Variants in CCDC149 observed in about 807,000 individuals in gnomAD.
CCDC149 encodes the protein coiled-coil domain containing 149, also known as coiled-coil domain-containing protein 149.
A neutral mutation model predicts 59.9 loss-of-function variants in CCDC149; 45 were observed. That is an observed-to-expected ratio of 0.75 (90% CI 0.59 to 0.96). The LOEUF is 0.96. Among genes scored for constraint, CCDC149 ranks in the 40% least tolerant of loss-of-function variants. CCDC149 has a pLI of 0.00. For synonymous variants in CCDC149, 245 were observed against 260.6 expected (o/e 0.94, Z 0.58); for missense variants, 584 against 664.7 (o/e 0.88, Z 1.33).
intron 1 of CCDC149, among the ~76,000 whole-genome samples, chr4:24,921,408 C>T (rs1298022577): frequency 6.6e-6 from 1 of 152,234 alleles, no homozygotes; most frequent in Non-Finnish European, 1.5e-5. Flanking sequence ...CTCCCCCATT[C>T]AACACCCCCA....
At chr4:24,973,081 T>C (rs4333169) in intron 1 of CCDC149, among the ~76,000 whole-genome samples, 105,850 of 152,090 alleles carry the variant, frequency 0.7, 37,032 homozygotes, top group Non-Finnish European at 0.71. Flanking sequence ...AATAACTTAA[T>C]TCTTTTAATC....
chr4:24,911,995 A>C (rs571237991), intron 1 of CCDC149, among the ~76,000 whole-genome samples: 5 of 152,146 alleles, frequency 3.3e-5, no homozygotes, highest in Non-Finnish European at 5.9e-5. Flanking sequence ...GCCCCCACAA[A>C]TGGTGGCAAA....
intron 1 of CCDC149, among the ~76,000 whole-genome samples, chr4:24,908,801 G>A (rs1721698110): frequency 6.6e-6 from 1 of 152,226 alleles, no homozygotes; most frequent in African/African-American, 2.4e-5. Context: ...ACATGCTCAA[G>A]GAATAGGAGA....
intron 1 of CCDC149, among the ~76,000 whole-genome samples, chr4:24,956,637 GAAAT>G (rs1282396441): frequency 6.6e-6 from 1 of 152,138 alleles, no homozygotes; most frequent in Non-Finnish European, 1.5e-5. Flanking sequence ...TAGGAGATGG[GAAAT>G]AAACCCTACG....
chr4:24,931,329 A>ATC (rs1722582341), intron 1 of CCDC149, among the ~76,000 whole-genome samples: 1 of 146,110 alleles, frequency 6.8e-6, no homozygotes, highest in Non-Finnish European at 1.5e-5. Context: ...ATATATATAT[A>ATC]TATCTCAGTA....
At chr4:24,832,034 T>G (rs1716187524) in intron 8 of CCDC149, among the ~76,000 whole-genome samples, 1 of 152,198 alleles carries the variant, frequency 6.6e-6, no homozygotes, top group South Asian at 2.1e-4. Flanking sequence ...TGGCTGAAGG[T>G]CACACAGCCA....
chr4:24,899,341 A>C (rs1266906056), intron 1 of CCDC149, among the ~76,000 whole-genome samples: 3 of 152,188 alleles, frequency 2.0e-5, no homozygotes, highest in African/African-American at 7.2e-5. Context: ...GAGATAGGAA[A>C]GTGTATACAG....
chr4:24,931,179 T>C (rs74682922), intron 1 of CCDC149, among the ~76,000 whole-genome samples: 1 of 150,548 alleles, frequency 6.6e-6, no homozygotes, highest in Non-Finnish European at 1.5e-5. Flanking sequence ...CATATATATG[T>C]ATATGTGTGT....
chr4:24,818,132 C>T (rs1715133658), intron 12 of CCDC149, among the ~76,000 whole-genome samples: 1 of 151,950 alleles, frequency 6.6e-6, no homozygotes, highest in Admixed American at 6.6e-5. Flanking sequence ...GTGATAGGTC[C>T]CAAGGTGTAA....
intron 1 of CCDC149, among the ~76,000 whole-genome samples, chr4:24,912,269 C>T (rs1457792129): frequency 2.0e-5 from 3 of 152,220 alleles, no homozygotes; most frequent in African/African-American, 7.2e-5. Context: ...TGCCCCTCCC[C>T]ACCTTACACA....
Position 24,853,181 on chromosome 4 carries a change from T to G in CCDC149, c.265-2A>C. 12 of 1,584,870 alleles carry G rather than the reference T, an allele frequency of 7.6e-6. No homozygotes were observed. The highest frequency in any genetic ancestry group is 1.0e-5 in the Non-Finnish European group (12 of 1,153,766). On this transcript the variant is annotated splice_acceptor_variant, in intron 3 of 12. Coordinates refer to ENST00000635206, the MANE Select transcript of CCDC149 (RefSeq NM_001330643.2). LOFTEE classifies it high-confidence loss of function. ...TCTCAATAGTTGTGCAAGATTAGCCTAGAAATATCAACACATTATGAAATA... is the reference window on the plus strand; with the variant it reads ...TCTCAATAGTTGTGCAAGATTAGCCGAGAAATATCAACACATTATGAAATA...
chr4:24,958,654 A>G (rs1723542847), intron 1 of CCDC149, among the ~76,000 whole-genome samples: 1 of 152,198 alleles, frequency 6.6e-6, no homozygotes, highest in Non-Finnish European at 1.5e-5. Flanking sequence ...AAAATGCACT[A>G]TATGCAATTC....
At chr4:24,822,866 A>C (rs534325500) in intron 9 of CCDC149, 1 of 226,082 alleles carries the variant, frequency 4.4e-6, no homozygotes, top group Non-Finnish European at 8.6e-6. Flanking sequence ...TGCCCAAATC[A>C]TTTGATGGAA....
At chr4:24,854,561 C>A (rs1403838594) in intron 3 of CCDC149, among the ~76,000 whole-genome samples, 2 of 152,150 alleles carry the variant, frequency 1.3e-5, no homozygotes, top group East Asian at 3.9e-4. Context: ...GCTGAAGAAA[C>A]CCAAATCCAG....
intron 12 of CCDC149, among the ~76,000 whole-genome samples, chr4:24,810,067 C>T (rs1714496722): frequency 2.0e-5 from 3 of 152,182 alleles, no homozygotes; most frequent in Admixed American, 2.0e-4. Flanking sequence ...CACGTGTCCT[C>T]CCAGCCATGT....
intron 4 of CCDC149, among the ~76,000 whole-genome samples, chr4:24,849,277 T>C (rs1328288702): frequency 2.0e-5 from 3 of 152,202 alleles, no homozygotes; most frequent in Non-Finnish European, 4.4e-5. Flanking sequence ...TCGAGGGTAA[T>C]GCGTGGCTTT....
rs1459360936 is a variant in CCDC149, at chr4:24,806,268, C to G, written c.*2121G>C. The G allele has an allele frequency of 6.6e-6, 1 of 152,240 alleles. No homozygotes were observed. The highest frequency in any genetic ancestry group is 1.5e-5 in the Non-Finnish European group (1 of 68,082). 9.4% of individuals were successfully genotyped at this position (152,240 alleles called of 1,614,324 possible). A position where few individuals can be genotyped will look rare whatever the true frequency, so the allele number is the denominator to read the frequency against. On this transcript the variant is annotated 3_prime_UTR_variant, in exon 13 of 13. Transcript: ENST00000635206. ...ACTAACTTACTGGCTCTCATTTCAC[C>G]TGATAACATAAGACCCTCCCCGCTG... is the stretch of plus-strand genomic sequence containing the variant.
intron 2 of CCDC149, among the ~76,000 whole-genome samples, chr4:24,876,290 C>CGT (rs1719419479): frequency 1.9e-5 from 2 of 102,808 alleles, no homozygotes; most frequent in African/African-American, 3.9e-5. Flanking sequence ...TACATACACA[C>CGT]GTACACACAC....
At chr4:24,963,449 T>G (rs1465884610) in intron 1 of CCDC149, among the ~76,000 whole-genome samples, 1 of 151,856 alleles carries the variant, frequency 6.6e-6, no homozygotes, top group African/African-American at 2.4e-5. Flanking sequence ...ACACACACAC[T>G]CTCAGTGTCA....
Sources: gnomAD v4.1 joint callset for allele counts (sites outside exome capture counted in the v4.1 genomes callset) on GRCh38, gnomAD v4.1.1 for gene constraint, MANE v1.5 for transcripts, NCBI Gene and HGNC (gene_info 2026-07-23, HGNC 2026-07-21) for gene names.